MTUS2: variants seen among roughly 807,000 people sequenced by gnomAD.
MTUS2 encodes microtubule associated scaffold protein 2, also known as microtubule-associated tumor suppressor candidate 2.
Under a neutral mutation model 114.1 loss-of-function variants are expected in MTUS2, and 40 were observed. That is an observed-to-expected ratio of 0.35 (90% CI 0.27 to 0.46). MTUS2 has a LOEUF of 0.46. Ranked by LOEUF, MTUS2 falls within the 20% of genes least tolerant of loss-of-function variation. MTUS2 has a pLI of 1.00. For synonymous variants in MTUS2, 688 were observed against 672.0 expected (o/e 1.02, Z -0.37); for missense variants, 1,679 against 1,705.4 (o/e 0.98, Z 0.27).
At chr13:29,166,494 C>T (rs1893323719) in intron 5 of MTUS2, among the ~76,000 whole-genome samples, 1 of 152,206 alleles carries the variant, frequency 6.6e-6, no homozygotes, top group Admixed American at 6.5e-5. Context: ...GCCCCAGACC[C>T]ATTATCTGTC....
chr13:29,475,691 G>A (rs1880650440), intron 9 of MTUS2, among the ~76,000 whole-genome samples: 1 of 152,028 alleles, frequency 6.6e-6, no homozygotes, highest in Admixed American at 6.6e-5. Context: ...ATAGAAAAAA[G>A]CTTTTAGAAT....
At chr13:28,863,657 A>G (rs2138074906) in intron 2 of MTUS2, among the ~76,000 whole-genome samples, 1 of 152,324 alleles carries the variant, frequency 6.6e-6, no homozygotes, top group Admixed American at 6.5e-5. Flanking sequence ...CTGAAAATAG[A>G]TGTTTTTAAA....
chr13:28,983,329 A>C (rs1373017131), intron 2 of MTUS2, among the ~76,000 whole-genome samples: 1 of 152,168 alleles, frequency 6.6e-6, no homozygotes, highest in Non-Finnish European at 1.5e-5. Flanking sequence ...CATCTTCTGT[A>C]ACTTCTGTCC....
chr13:28,848,911 A>T (rs1351779919), intron 2 of MTUS2, among the ~76,000 whole-genome samples: 1 of 152,170 alleles, frequency 6.6e-6, no homozygotes, highest in Non-Finnish European at 1.5e-5. Flanking sequence ...AATGCATAGG[A>T]TAGTTCCCCA....
At chr13:29,204,606 G>A (rs1895103673) in intron 5 of MTUS2, among the ~76,000 whole-genome samples, 1 of 152,236 alleles carries the variant, frequency 6.6e-6, no homozygotes, top group South Asian at 2.1e-4. Flanking sequence ...TAACCTGGGA[G>A]CGGAGGATGG....
At chr13:28,965,774 A>G (rs187269639) in intron 2 of MTUS2, among the ~76,000 whole-genome samples, 1 of 152,228 alleles carries the variant, frequency 6.6e-6, no homozygotes, top group African/African-American at 2.4e-5. Context: ...CTGGAAGCAG[A>G]GTTCCTTCTT....
At position 29,209,935 on chromosome 13, in the gene MTUS2, G is replaced by A. The variant is rs75634726; in HGVS notation, c.2645-71769G>A. On this transcript the variant is annotated intron_variant, in intron 5 of 15. Coordinates refer to ENST00000612955, the MANE Select transcript of MTUS2 (RefSeq NM_001033602.4). ...CAATTATCTTTTTGCAATAAATTTC[G>A]CGGGTGTTCTTTGAGGTTCTTGTAT... Among the ~76,000 whole-genome samples, 664 of 152,028 alleles carry A rather than the reference G, an allele frequency of 4.4e-3. 5 individuals carry two copies. The highest frequency in any genetic ancestry group is 0.014 in the African/African-American group (600 of 41,476).
intron 5 of MTUS2, among the ~76,000 whole-genome samples, chr13:29,190,623 T>C (rs1164348648): frequency 2.0e-5 from 3 of 152,186 alleles, no homozygotes; most frequent in Non-Finnish European, 4.4e-5. Flanking sequence ...GGGAGCAACA[T>C]TGTGTTAGTT....
intron 7 of MTUS2, among the ~76,000 whole-genome samples, chr13:29,337,691 T>TGAG (rs1435982751): frequency 6.6e-6 from 1 of 151,178 alleles, no homozygotes; most frequent in East Asian, 2.0e-4. Flanking sequence ...AATCTCTGCC[T>TGAG]CCCGGGTTCA....
chr13:29,498,969 G>A (rs1255865051), intron 14 of MTUS2, among the ~76,000 whole-genome samples: 1 of 152,170 alleles, frequency 6.6e-6, no homozygotes, highest in African/African-American at 2.4e-5. Flanking sequence ...ATGGAGCTAA[G>A]GAGCCCTGGC....
chr13:28,953,125 C>A (rs1882889153), intron 2 of MTUS2, among the ~76,000 whole-genome samples: 1 of 150,026 alleles, frequency 6.7e-6, no homozygotes. Context: ...TTTCTATACA[C>A]TTGGTCTTTT....
At chr13:29,432,888 G>A (rs781157978) in intron 8 of MTUS2, among the ~76,000 whole-genome samples, 1 of 152,228 alleles carries the variant, frequency 6.6e-6, no homozygotes, top group African/African-American at 2.4e-5. Flanking sequence ...GGAGTTGGGA[G>A]AGGCACCTCA....
In MTUS2 at chr13:29,025,205, T is replaced by C; in HGVS notation, c.507T>C (p.Asn169=). The C allele has an allele frequency of 6.2e-7, 1 of 1,613,942 alleles. No homozygotes were observed. Among genetic ancestry groups the C allele is most frequent in the Non-Finnish European group, 8.5e-7 (1 of 1,179,880 alleles). Residue 169 remains asparagine (N), a synonymous_variant, in exon 3 of 16, where the codon AAT becomes AAC. Transcript: ENST00000612955. The part of the protein sequence containing the change: ...PKDKLAKTLD[N]EELRRHSLER... The stretch of plus-strand genomic sequence containing the variant: ...ATAAACTGGCAAAGACCCTTGACAA[T>C]GAGGAACTGAGGAGGCATTCTTTGG...
chr13:29,091,558 T>C (rs550222079), intron 4 of MTUS2, among the ~76,000 whole-genome samples: 1 of 152,310 alleles, frequency 6.6e-6, no homozygotes, highest in South Asian at 2.1e-4. Context: ...GGCTTATATC[T>C]TCACATGATC....
At chr13:29,483,339 A>G (rs963884097) in intron 10 of MTUS2, among the ~76,000 whole-genome samples, 6 of 152,218 alleles carry the variant, frequency 3.9e-5, no homozygotes, top group African/African-American at 1.4e-4. Flanking sequence ...GCTTTGCAGC[A>G]GCACCTCCGT....
At chr13:29,376,035 ATATATGTGTGTG>A (rs1871712745) in intron 8 of MTUS2, among the ~76,000 whole-genome samples, 1 of 110,070 alleles carries the variant, frequency 9.1e-6, no homozygotes, top group Non-Finnish European at 1.9e-5. Context: ...GTGTATATAT[ATATATGTGTGTG>A]TGTGTGTGTG....
chr13:28,897,522 A>G (rs2137942475), intron 2 of MTUS2, among the ~76,000 whole-genome samples: 1 of 152,292 alleles, frequency 6.6e-6, no homozygotes, highest in Middle Eastern at 3.4e-3. Flanking sequence ...TAGAAATACC[A>G]TTTGACCCAG....
intron 2 of MTUS2, among the ~76,000 whole-genome samples, chr13:28,872,215 T>A (rs1877658625): frequency 1.3e-5 from 2 of 150,876 alleles, no homozygotes; most frequent in Admixed American, 6.6e-5. Flanking sequence ...GGAGGAGGAG[T>A]GGATAACTTA....
intron 5 of MTUS2, among the ~76,000 whole-genome samples, chr13:29,262,480 C>A (rs1269574033): frequency 2.6e-5 from 4 of 151,790 alleles, no homozygotes; most frequent in Non-Finnish European, 5.9e-5. Flanking sequence ...GATATGGAAG[C>A]TTCTCTGGAG....
Sources: gnomAD v4.1 joint callset for allele counts (sites outside exome capture counted in the v4.1 genomes callset) on GRCh38, gnomAD v4.1.1 for gene constraint, MANE v1.5 for transcripts, NCBI Gene and HGNC (gene_info 2026-07-23, HGNC 2026-07-21) for gene names.